The following SMC5 variants were observed in gnomAD, a reference collection of about 807,000 sequenced individuals.
SMC5 encodes structural maintenance of chromosomes protein 5.
A neutral mutation model predicts 148.3 loss-of-function variants in SMC5; 88 were observed. The observed-to-expected ratio is 0.59, with a 90% CI of 0.50 to 0.71. The LOEUF (loss-of-function observed/expected upper bound fraction) is 0.71. SMC5 is among the 30% of genes least tolerant of loss of function. The pLI is 0.00. For synonymous variants in SMC5, 421 were observed against 432.8 expected (o/e 0.97, Z 0.34); for missense variants, 1,142 against 1,298.9 (o/e 0.88, Z 1.86).
At chr9:70,318,318 G>T (rs998891795) in intron 13 of SMC5, among the ~76,000 whole-genome samples, 196 bp from the exon 14 acceptor site, 1 of 151,972 alleles carries the variant, frequency 6.6e-6, no homozygotes, top group Non-Finnish European at 1.5e-5. Context: ...AGCCTGGGGG[G>T]TTGAGGCTGG....
rs1014806774 is a variant in SMC5, at chr9:70,354,509, G to C, written c.*2178G>C. ...CAAAGTGCTGGGATTATAGGCGTGA[G>C]CCCCTGCACCCGGCCAAAAGTTGAT... On this transcript the variant is annotated 3_prime_UTR_variant, in exon 25 of 25. Coordinates refer to ENST00000361138, the MANE Select transcript of SMC5 (RefSeq NM_015110.4). 1.3e-5 allele frequency: 2 copies of C among 152,196 alleles called. No homozygotes were observed. Among genetic ancestry groups the C allele is most frequent in the African/African-American group, 4.8e-5 (2 of 41,442 alleles). The allele number at this position is 152,196 out of a possible 1,614,324, so 9.4% of individuals were successfully genotyped here. A position where few individuals can be genotyped will look rare whatever the true frequency, so the allele number is the denominator to read the frequency against.
intron 7 of SMC5, 68 bp downstream of exon 7, chr9:70,282,651 G>C: frequency 6.9e-7 from 1 of 1,442,246 alleles, no homozygotes; most frequent in Non-Finnish European, 9.3e-7. Flanking sequence ...TATTTTGCAG[G>C]TGTTTGAAAA....
chr9:70,259,018 G>A lies in SMC5; in HGVS notation c.-61G>A. 1 of 1,506,682 alleles carries A rather than the reference G, an allele frequency of 6.6e-7. No individual in the cohort carries two copies. The highest frequency in any genetic ancestry group is 2.0e-4 in the Middle Eastern group (1 of 5,106). 93.3% of individuals were successfully genotyped at this position (1,506,682 alleles called of 1,614,324 possible). ...GGGGCGCCTGGGTGGATGGGCGCTT[G>A]GGCGCCTGGGCTGCCGGACGGTGGG... On this transcript the variant is annotated 5_prime_UTR_variant, in exon 1 of 25. It introduces an in-frame stop codon into an upstream open reading frame of the 5' UTR. Coordinates refer to ENST00000361138, the MANE Select transcript of SMC5 (RefSeq NM_015110.4).
At chr9:70,293,006 TA>T (rs1403000341) in intron 8 of SMC5, among the ~76,000 whole-genome samples, 1 of 152,134 alleles carries the variant, frequency 6.6e-6, no homozygotes. Context: ...ACTAGCTTCA[TA>T]AAATGAATTG....
At position 70,354,422 on chromosome 9, in the gene SMC5, TCAG is replaced by T; in HGVS notation, c.*2094_*2096del. On this transcript the variant is annotated 3_prime_UTR_variant, in exon 25 of 25. Transcript: ENST00000361138. ...TTATACTTTTAGTAGAGATGGGGTT[TCAG>T]CATATTGGCCAGGCTGGTCTCGAAC... 1 of 152,190 alleles carries T rather than the reference TCAG, an allele frequency of 6.6e-6. No individual in the cohort carries two copies. The highest frequency in any genetic ancestry group is 1.9e-4 in the East Asian group (1 of 5,188). The allele number at this position is 152,190 out of a possible 1,614,324, so 9.4% of individuals were successfully genotyped here. A position where few individuals can be genotyped will look rare whatever the true frequency, so the allele number is the denominator to read the frequency against.
At chr9:70,321,453 C>T (rs1197321150) in intron 15 of SMC5, among the ~76,000 whole-genome samples, 1 of 147,434 alleles carries the variant, frequency 6.8e-6, no homozygotes, top group Non-Finnish European at 1.5e-5. Context: ...AGTGCAGTGG[C>T]ATGCTCACAG....
At chr9:70,344,056 C>A in intron 17 of SMC5, 88 bp from the exon 18 acceptor site, 2 of 731,474 alleles carry the variant, frequency 2.7e-6, no homozygotes, top group Non-Finnish European at 4.0e-6. Context: ...AATCAGAATT[C>A]AACAATATTT....
rs1334097089 is a variant in SMC5 at position 70,298,193 on chromosome 9, G to A, written c.1281G>A (p.Glu427=). Residue 427 remains glutamate, a synonymous_variant, in exon 9 of 25, where the codon GAG becomes GAA. Transcript: ENST00000361138. ...CEGEIIDKRR[E]RETLEKEKKS... ...GCGAAATAATTGATAAGCGAAGAGAGAGGGAAACTCTAGAGAAGGAGAAAA... is the reference window on the plus strand; with the variant it reads ...GCGAAATAATTGATAAGCGAAGAGAAAGGGAAACTCTAGAGAAGGAGAAAA... The A allele has an allele frequency of 1.2e-6, 2 of 1,613,626 alleles. No individual in the cohort carries two copies. Among genetic ancestry groups the A allele is most frequent in the South Asian group, 2.2e-5 (2 of 90,950 alleles).
chr9:70,279,811 C>G (rs2118153434), intron 5 of SMC5, among the ~76,000 whole-genome samples: 1 of 145,214 alleles, frequency 6.9e-6, no homozygotes, highest in East Asian at 2.0e-4. Context: ...GAGCAAAACT[C>G]CGTTTCAAAA....
intron 17 of SMC5, among the ~76,000 whole-genome samples, chr9:70,339,589 G>A (rs974161430): frequency 6.6e-6 from 1 of 152,166 alleles, no homozygotes; most frequent in Non-Finnish European, 1.5e-5. Context: ...CTGCTATGCA[G>A]CTTCACTTGA....
At chr9:70,322,661 C>T (rs1049273408) in intron 15 of SMC5, among the ~76,000 whole-genome samples, 2 of 143,866 alleles carry the variant, frequency 1.4e-5, no homozygotes, top group African/African-American at 2.4e-5. Context: ...CATGATGAAA[C>T]CCTGTCTCTA....
chr9:70,282,323 A>G (rs1419574768), intron 6 of SMC5, 99 bp from the exon 7 acceptor site: 3 of 1,281,900 alleles, frequency 2.3e-6, no homozygotes, highest in East Asian at 5.3e-5. Flanking sequence ...TATCAAAACA[A>G]TCTTTTCTTA....
In SMC5 at chr9:70,277,416, G is replaced by T; in HGVS notation, c.487G>T (p.Glu163Ter). 6.2e-7 allele frequency: 1 copy of T among 1,603,764 alleles called. No homozygotes were observed. The highest frequency in any genetic ancestry group is 1.1e-5 in the South Asian group (1 of 89,576). The change falls in exon 4 of 25, where the codon GAG becomes TAG. Residue 163 changes from glutamate to a stop codon, truncating the protein, a stop_gained. Coordinates refer to ENST00000361138, the MANE Select transcript of SMC5 (RefSeq NM_015110.4). LOFTEE classifies it high-confidence loss of function. ...ATCTACAACCCAGAAAATAGTGGAAGAGAAAGTTGCAGCCTTAAATATTCA... is the reference window on the plus strand; with the variant it reads ...ATCTACAACCCAGAAAATAGTGGAATAGAAAGTTGCAGCCTTAAATATTCA... ...KKSTTQKIVEEKVAALNIQVG... is the reference protein window; with the variant it reads ...KKSTTQKIVE
At chr9:70,265,103 C>T (rs986181211) in intron 2 of SMC5, among the ~76,000 whole-genome samples, 4 of 151,956 alleles carry the variant, frequency 2.6e-5, no homozygotes, top group South Asian at 4.2e-4. Flanking sequence ...AAATACTGCC[C>T]GAACAATCCA....
At chr9:70,286,323 G>A in intron 8 of SMC5, 52 bp downstream of exon 8, 2 of 1,149,886 alleles carry the variant, frequency 1.7e-6, no homozygotes, top group South Asian at 1.3e-5. Flanking sequence ...TCTAACTTTT[G>A]TTTTCAAATA....
At chr9:70,269,996 T>C (rs1383214396) in intron 3 of SMC5, among the ~76,000 whole-genome samples, 1 of 152,208 alleles carries the variant, frequency 6.6e-6, no homozygotes, top group Non-Finnish European at 1.5e-5. Flanking sequence ...CTACACCAGA[T>C]GTGTGGGGTT....
intron 8 of SMC5, 42 bp downstream of exon 8, chr9:70,286,313 T>G: frequency 7.6e-7 from 1 of 1,311,722 alleles, no homozygotes; most frequent in Non-Finnish European, 1.1e-6. Flanking sequence ...TAAAGTTTGC[T>G]CTAACTTTTG....
chr9:70,306,168 T>C (rs1395904018), intron 11 of SMC5, among the ~76,000 whole-genome samples: 1 of 152,248 alleles, frequency 6.6e-6, no homozygotes, highest in East Asian at 1.9e-4. Context: ...TCTGTAAGAC[T>C]TCTTACTCCT....
intron 17 of SMC5, among the ~76,000 whole-genome samples, chr9:70,334,903 G>C (rs2036319984): frequency 1.3e-5 from 2 of 152,188 alleles, no homozygotes; most frequent in Middle Eastern, 3.4e-3. Context: ...ATATGAAAAA[G>C]AAAGATGTCC....
Sources: allele counts gnomAD v4.1 joint callset (sites outside exome capture counted in the v4.1 genomes callset), GRCh38; gene constraint gnomAD v4.1.1; transcripts MANE v1.5; gene names NCBI Gene and HGNC (gene_info 2026-07-23, HGNC 2026-07-21).